Variants in SRD5A2 observed in about 807,000 individuals in gnomAD.
The protein encoded by SRD5A2 is steroid 5 alpha-reductase 2.
In SRD5A2, 30 loss-of-function variants were observed where a neutral mutation model predicts 27.4. That is an observed-to-expected ratio of 1.10 (90% CI 0.82 to 1.49). The LOEUF (loss-of-function observed/expected upper bound fraction) is 1.49, where lower values mean the gene tolerates loss of function less well. Ranked by LOEUF, SRD5A2 falls within the 40% of genes most tolerant of loss-of-function variation. SRD5A2 has a pLI of 0.00. For missense variants in SRD5A2, 348 were observed against 323.4 expected (o/e 1.08, Z -0.58); for synonymous variants, 141 against 133.6 (o/e 1.06, Z -0.38).
chr2:31,615,953 G>A, the SRD5A2 span, among the ~76,000 whole-genome samples: 1 of 152,048 alleles, frequency 6.6e-6, no homozygotes, highest in South Asian at 2.1e-4. Flanking sequence ...GTTTCAGAAG[G>A]TTCAAGTACC....
At chr2:31,620,574 G>A in the SRD5A2 span, among the ~76,000 whole-genome samples, 1 of 151,556 alleles carries the variant, frequency 6.6e-6, no homozygotes, top group Non-Finnish European at 1.5e-5. Context: ...GCTTTATTGT[G>A]GTGGTCTGGA....
At chr2:31,529,601 G>A in intron 3 of SRD5A2, 144 bp from the exon 4 acceptor site, 1 of 1,170,126 alleles carries the variant, frequency 8.5e-7, no homozygotes, top group Non-Finnish European at 1.2e-6. Flanking sequence ...GAGTTTGGTG[G>A]AATCCTCTTG....
At chr2:31,615,166 T>C in the SRD5A2 span, among the ~76,000 whole-genome samples, 5 of 152,232 alleles carry the variant, frequency 3.3e-5, no homozygotes, top group Non-Finnish European at 5.9e-5. Context: ...GAGAACAGAC[T>C]AATACAGTAA....
At chr2:31,563,272 C>T (rs535389996) in intron 1 of SRD5A2, 1 of 152,116 alleles carries the variant, frequency 6.6e-6, no homozygotes, top group East Asian at 1.9e-4. Flanking sequence ...ACAAATCAAC[C>T]AGTATTGCAG....
At chr2:31,584,858 C>T (rs1428677757), upstream of SRD5A2, among the ~76,000 whole-genome samples, 3 of 152,218 alleles carry the variant, frequency 2.0e-5, no homozygotes, top group African/African-American at 4.8e-5. Context: ...TGAGCACTTG[C>T]AGTACCTGCT....
At chr2:31,652,635 T>C in the SRD5A2 span, among the ~76,000 whole-genome samples, 2 of 152,118 alleles carry the variant, frequency 1.3e-5, no homozygotes, top group African/African-American at 2.4e-5. Context: ...AACTACCTAA[T>C]TGGATACGGT....
chr2:31,538,904 A>C (rs1207681729), intron 1 of SRD5A2, among the ~76,000 whole-genome samples: 2 of 152,226 alleles, frequency 1.3e-5, no homozygotes, highest in Non-Finnish European at 2.9e-5. Context: ...GTTCATCACT[A>C]TATCTGCAAT....
intron 1 of SRD5A2, among the ~76,000 whole-genome samples, chr2:31,561,227 C>T (rs896815806): frequency 2.0e-5 from 3 of 152,144 alleles, no homozygotes; most frequent in African/African-American, 7.2e-5. Context: ...ACACGGCCTC[C>T]AGTATTTACA....
chr2:31,648,555 G>A, the SRD5A2 span, among the ~76,000 whole-genome samples: 1 of 152,200 alleles, frequency 6.6e-6, no homozygotes, highest in Non-Finnish European at 1.5e-5. Flanking sequence ...GAGTCCCTTA[G>A]TTTCAGCCAA....
intron 3 of SRD5A2, 41 bp from the exon 4 acceptor site, chr2:31,529,498 A>C (rs774457242): frequency 6.2e-7 from 1 of 1,603,490 alleles, no homozygotes; most frequent in Non-Finnish European, 8.5e-7. Context: ...TTGCAACTGA[A>C]TCATTTTGAC....
chr2:31,614,427 G>T, the SRD5A2 span, among the ~76,000 whole-genome samples: 1 of 152,242 alleles, frequency 6.6e-6, no homozygotes, highest in Non-Finnish European at 1.5e-5. Context: ...GCCTTGGGCA[G>T]CTCTGCCCCT....
the SRD5A2 span, among the ~76,000 whole-genome samples, chr2:31,649,258 T>A: frequency 6.6e-6 from 1 of 152,110 alleles, no homozygotes; most frequent in African/African-American, 2.4e-5. Context: ...CTGCACTTCA[T>A]GAGAGAGAAA....
chr2:31,646,466 A>C, the SRD5A2 span, among the ~76,000 whole-genome samples: 3 of 152,164 alleles, frequency 2.0e-5, no homozygotes, highest in East Asian at 5.8e-4. Flanking sequence ...AAAATGAAGG[A>C]GGAACATTCA....
the SRD5A2 span, among the ~76,000 whole-genome samples, chr2:31,647,033 T>C: frequency 6.6e-6 from 1 of 151,540 alleles, no homozygotes; most frequent in Non-Finnish European, 1.5e-5. Flanking sequence ...TAATTCCAGC[T>C]ACTTGGCAGG....
chr2:31,533,242 G>A (rs1665953743), intron 2 of SRD5A2, among the ~76,000 whole-genome samples: 1 of 152,150 alleles, frequency 6.6e-6, no homozygotes, highest in Non-Finnish European at 1.5e-5. Context: ...TTGACAGCTT[G>A]TGGCACAGCA....
At chr2:31,615,372 C>T in the SRD5A2 span, among the ~76,000 whole-genome samples, 2 of 152,090 alleles carry the variant, frequency 1.3e-5, no homozygotes, top group African/African-American at 4.8e-5. Context: ...ATAATAAGGT[C>T]CAGGCTGAGG....
the SRD5A2 span, among the ~76,000 whole-genome samples, chr2:31,633,945 T>TA: frequency 5.9e-5 from 9 of 151,962 alleles, no homozygotes; most frequent in African/African-American, 1.5e-4. Context: ...TAAAGTATAA[T>TA]AAAAAAAATT....
At chr2:31,603,293 G>A in the SRD5A2 span, among the ~76,000 whole-genome samples, 1 of 151,688 alleles carries the variant, frequency 6.6e-6, no homozygotes, top group Admixed American at 6.6e-5. Context: ...ACATACATGT[G>A]GAAAAAAAAG....
At chr2:31,572,753 C>T (rs1291982587) in intron 1 of SRD5A2, among the ~76,000 whole-genome samples, 1 of 152,012 alleles carries the variant, frequency 6.6e-6, no homozygotes, top group Non-Finnish European at 1.5e-5. Context: ...GGCAGAGAGG[C>T]AAGAGAGAAC....
Sources: allele counts gnomAD v4.1 joint callset (sites outside exome capture counted in the v4.1 genomes callset), GRCh38; gene constraint gnomAD v4.1.1; transcripts MANE v1.5; gene names NCBI Gene and HGNC (gene_info 2026-07-23, HGNC 2026-07-21).